SIMC1: variants seen among roughly 807,000 people sequenced by gnomAD.
The protein encoded by SIMC1 is SUMO interacting motifs containing 1, also known as SUMO-interacting motif-containing protein 1.
SIMC1 carries 55 observed loss-of-function variants against 82.3 expected under a neutral mutation model. That is an observed-to-expected ratio of 0.67 (90% CI 0.54 to 0.84). The LOEUF (loss-of-function observed/expected upper bound fraction) is 0.84, where lower values mean the gene tolerates loss of function less well. SIMC1 is among the 40% of genes least tolerant of loss of function. The pLI is 0.00. For missense variants in SIMC1, 915 were observed against 1,107.2 expected, an observed-to-expected ratio of 0.83 and a Z score of 2.46; for synonymous variants, 353 against 426.3, an observed-to-expected ratio of 0.83 and a Z score of 2.12.
chr5:176,242,286 T>G (rs896775612), intron 1 of SIMC1, among the ~76,000 whole-genome samples: 1 of 151,922 alleles, frequency 6.6e-6, no homozygotes, highest in Non-Finnish European at 1.5e-5. Context: ...AAATAATGAA[T>G]TTAAAAATAT....
intron 4 of SIMC1, among the ~76,000 whole-genome samples, chr5:176,298,797 C>T (rs2113291457): frequency 6.6e-6 from 1 of 151,858 alleles, no homozygotes; most frequent in South Asian, 2.1e-4. Flanking sequence ...TTGGTAACTT[C>T]AAGTAAGATA....
chr5:176,296,829 A>G (rs1337203969), intron 4 of SIMC1, among the ~76,000 whole-genome samples: 1 of 152,226 alleles, frequency 6.6e-6, no homozygotes, highest in Non-Finnish European at 1.5e-5. Flanking sequence ...TTGAGATCCC[A>G]TTAAAAATAA....
chr5:176,341,709 G>C (rs1450545746), intron 9 of SIMC1, among the ~76,000 whole-genome samples: 1 of 152,184 alleles, frequency 6.6e-6, no homozygotes, highest in Non-Finnish European at 1.5e-5. Flanking sequence ...CAAAGAAGAT[G>C]AAGAGCTCAG....
At chr5:176,246,012 GTTT>G (rs1182868903) in intron 1 of SIMC1, among the ~76,000 whole-genome samples, 1 of 139,102 alleles carries the variant, frequency 7.2e-6, no homozygotes, top group Non-Finnish European at 1.6e-5. Context: ...ATTTGTCAAG[GTTT>G]TTTTTTTTTT....
intron 4 of SIMC1, among the ~76,000 whole-genome samples, chr5:176,305,838 C>T (rs1439263094): frequency 2.8e-5 from 2 of 70,968 alleles, no homozygotes; most frequent in Non-Finnish European, 6.1e-5. Flanking sequence ...CCAGCCGCCC[C>T]GTCCGGGAGG....
chr5:176,268,479 A>G (rs1762292046), intron 1 of SIMC1, among the ~76,000 whole-genome samples: 1 of 143,620 alleles, frequency 7.0e-6, no homozygotes, highest in Non-Finnish European at 1.5e-5. Flanking sequence ...GTAAAAGGAT[A>G]GAAAGAAATA....
At chr5:176,265,046 A>G (rs1762146721) in intron 1 of SIMC1, among the ~76,000 whole-genome samples, 1 of 152,172 alleles carries the variant, frequency 6.6e-6, no homozygotes, top group Non-Finnish European at 1.5e-5. Flanking sequence ...AGGCTTACAG[A>G]TTGGAAAAAA....
rs749370542 is a variant in SIMC1 at position 176,345,210 on chromosome 5, G to T, written c.2441G>T (p.Arg814Leu). 5.0e-6 allele frequency: 8 copies of T among 1,613,788 alleles called. No individual in the cohort carries two copies. In the Admixed American group the frequency reaches 1.3e-4, roughly 27 times the overall value. The change falls in exon 10 of 10, where the codon CGA (arginine) becomes CTA (leucine). Residue 814 changes from arginine (R) to leucine (L), a missense_variant. By Grantham distance (102) the Arg-to-Leu change is moderately radical. Coordinates refer to ENST00000429602, the MANE Select transcript of SIMC1 (RefSeq NM_001308195.2). ...CACTTAAGGAGTTCCGTGATCGACCGAAAGGACTTAATAATCAAAAGGATT... is the reference window on the plus strand; with the variant it reads ...CACTTAAGGAGTTCCGTGATCGACCTAAAGGACTTAATAATCAAAAGGATT... ...REHLRSSVID[R>L]KDLIIKRIKP...
intron 6 of SIMC1, among the ~76,000 whole-genome samples, chr5:176,323,992 A>AAT (rs1296399308): frequency 1.0e-4 from 15 of 149,692 alleles, no homozygotes; most frequent in African/African-American, 3.8e-4. Context: ...CATCTCAAAA[A>AAT]AAAAAAAAAA....
intron 1 of SIMC1, among the ~76,000 whole-genome samples, chr5:176,248,458 G>C (rs1234773285): frequency 6.6e-6 from 1 of 152,106 alleles, no homozygotes; most frequent in Non-Finnish European, 1.5e-5. Context: ...CATTGATTTT[G>C]TATCCTGAGA....
chr5:176,250,211 TGTC>T (rs1761604478), intron 1 of SIMC1, among the ~76,000 whole-genome samples: 1 of 152,232 alleles, frequency 6.6e-6, no homozygotes, highest in African/African-American at 2.4e-5. Context: ...TCTGCCTTAA[TGTC>T]GTTATTTACC....
At chr5:176,328,388 A>G (rs1210359254) in intron 7 of SIMC1, among the ~76,000 whole-genome samples, 1 of 152,066 alleles carries the variant, frequency 6.6e-6, no homozygotes, top group Non-Finnish European at 1.5e-5. Flanking sequence ...GTGGGTGGGA[A>G]TGGGATAAAA....
chr5:176,308,241 G>A (rs1019780916), intron 4 of SIMC1: 16 of 1,542,002 alleles, frequency 1.0e-5, no homozygotes, highest in East Asian at 6.8e-5. Flanking sequence ...ACTGAAATGC[G>A]CACAGTTGCT....
At chr5:176,265,206 A>G (rs1762154555) in intron 1 of SIMC1, among the ~76,000 whole-genome samples, 1 of 152,152 alleles carries the variant, frequency 6.6e-6, no homozygotes, top group African/African-American at 2.4e-5. Flanking sequence ...AATTCAACAC[A>G]AGCCTTGACC....
intron 1 of SIMC1, among the ~76,000 whole-genome samples, chr5:176,284,920 A>G (rs1218519838): frequency 3.9e-5 from 6 of 152,248 alleles, no homozygotes; most frequent in Non-Finnish European, 7.3e-5. Flanking sequence ...GAATCCCTGA[A>G]TAGACCAATA....
Position 176,336,591 on chromosome 5 carries a change from G to A in SIMC1, c.2172-129G>A, listed in dbSNP as rs1249226183. The A allele has an allele frequency of 2.3e-6, 3 of 1,277,428 alleles. No individual in the cohort carries two copies. The East Asian group carries it at 7.0e-5, about 30-fold the overall frequency. The allele number at this position is 1,277,428 out of a possible 1,614,324, so 79.1% of individuals were successfully genotyped here. Reference sequence around the variant, plus strand: ...CTGTCCACAGGTTTTGTGATTCTGTGGGCTTCCATGGTATTCCTTCTTAAC... The same window carrying A: ...CTGTCCACAGGTTTTGTGATTCTGTAGGCTTCCATGGTATTCCTTCTTAAC... On this transcript the variant is annotated intron_variant, in intron 7 of 9. Coordinates refer to ENST00000429602, the MANE Select transcript of SIMC1 (RefSeq NM_001308195.2).
rs1268960596 is a variant in SIMC1 at position 176,294,809 on chromosome 5, A to C, written c.1432-221A>C. 1.9e-5 allele frequency: 9 copies of C among 474,778 alleles called. No individual in the cohort carries two copies. In the East Asian group the frequency reaches 4.2e-4, roughly 22 times the overall value. The allele number at this position is 474,778 out of a possible 1,614,324, so 29.4% of individuals were successfully genotyped here. A position where few individuals can be genotyped will look rare whatever the true frequency, so the allele number is the denominator to read the frequency against. ...AACCCTGTCTTTACTAAAAATACAA[A>C]AGAAAATTAGCCGGGCGTGGTGGTG... On this transcript the variant is annotated intron_variant, in intron 2 of 9. Transcript: ENST00000429602.
chr5:176,328,772 A>G (rs1232243580), intron 7 of SIMC1, among the ~76,000 whole-genome samples: 1 of 152,166 alleles, frequency 6.6e-6, no homozygotes, highest in East Asian at 1.9e-4. Flanking sequence ...CACAGTTCCA[A>G]CTACTCAGGA....
intron 7 of SIMC1, among the ~76,000 whole-genome samples, chr5:176,326,277 G>C (rs1390425289): frequency 6.6e-6 from 1 of 151,998 alleles, no homozygotes; most frequent in Non-Finnish European, 1.5e-5. Flanking sequence ...ATGCCAAATA[G>C]TACTGGAATA....
Sources: gnomAD v4.1 joint callset for allele counts (sites outside exome capture counted in the v4.1 genomes callset) on GRCh38, gnomAD v4.1.1 for gene constraint, MANE v1.5 for transcripts, NCBI Gene and HGNC (gene_info 2026-07-23, HGNC 2026-07-21) for gene names.